NFIA: variants seen among roughly 807,000 people sequenced by gnomAD.
NFIA encodes the protein nuclear factor I A.
A neutral mutation model predicts 62.8 loss-of-function variants in NFIA; 8 were observed. The ratio of observed to expected loss-of-function variants is 0.13; its 90% CI spans 0.07 to 0.23. NFIA has a LOEUF of 0.23. NFIA is among the 10% of genes least tolerant of loss of function. The pLI, the probability that NFIA is intolerant of heterozygous loss-of-function variation, is 1.00. For synonymous variants in NFIA, 235 were observed against 238.1 expected, an observed-to-expected ratio of 0.99 and a Z score of 0.12; for missense variants, 410 against 642.1, an observed-to-expected ratio of 0.64 and a Z score of 3.91.
chr1:61,202,102 G>T (rs1241692036), intron 2 of NFIA, among the ~76,000 whole-genome samples: 1 of 152,178 alleles, frequency 6.6e-6, no homozygotes, highest in African/African-American at 2.4e-5. Flanking sequence ...ATTCCAGAAG[G>T]ATAGGTGCCA....
intron 9 of NFIA, among the ~76,000 whole-genome samples, chr1:61,414,524 T>G (rs1238094221): frequency 7.8e-6 from 1 of 127,848 alleles, no homozygotes; most frequent in African/African-American, 2.8e-5. Context: ...CTTCTTGGTT[T>G]TTTGGTTTTT....
intron 9 of NFIA, among the ~76,000 whole-genome samples, chr1:61,413,992 T>C (rs959293655): frequency 2.6e-5 from 4 of 151,104 alleles, no homozygotes; most frequent in Non-Finnish European, 4.4e-5. Flanking sequence ...TTTGTTTGTT[T>C]GTCTTTCTGC....
chr1:61,406,175 C>G (rs992557409), intron 8 of NFIA, among the ~76,000 whole-genome samples: 1 of 152,076 alleles, frequency 6.6e-6, no homozygotes, highest in Non-Finnish European at 1.5e-5. Flanking sequence ...ATTTAATAAT[C>G]ATGAGAAAGA....
intron 4 of NFIA, among the ~76,000 whole-genome samples, chr1:61,333,328 C>T (rs933549579): frequency 5.3e-5 from 8 of 152,112 alleles, no homozygotes; most frequent in African/African-American, 1.9e-4. Flanking sequence ...TAAAAAGAAA[C>T]ATTTTCATTT....
At chr1:61,161,089 A>G (rs1336480623) in intron 2 of NFIA, among the ~76,000 whole-genome samples, 2 of 152,004 alleles carry the variant, frequency 1.3e-5, no homozygotes, top group Non-Finnish European at 1.5e-5. Flanking sequence ...TAATTTTTGT[A>G]TTTTTAGTAG....
At chr1:61,225,992 A>C (rs1466539382) in intron 2 of NFIA, among the ~76,000 whole-genome samples, 1 of 152,238 alleles carries the variant, frequency 6.6e-6, no homozygotes, top group African/African-American at 2.4e-5. Context: ...ACAGTAATGC[A>C]TGTAATCTAA....
At chr1:61,376,552 G>A (rs1664158563) in intron 6 of NFIA, among the ~76,000 whole-genome samples, 1 of 152,082 alleles carries the variant, frequency 6.6e-6, no homozygotes. Context: ...TCCTTACTAA[G>A]GCCAAGAGAA....
intron 4 of NFIA, among the ~76,000 whole-genome samples, chr1:61,340,815 A>G (rs1210500268): frequency 1.3e-5 from 2 of 152,226 alleles, no homozygotes; most frequent in Non-Finnish European, 2.9e-5. Context: ...AGTAATTCCA[A>G]TAGAGTAAGA....
At position 61,347,504 on chromosome 1, in the gene NFIA, A is replaced by G. The variant is rs529257601; in HGVS notation, c.701-4946A>G. 7.2e-5 allele frequency among the ~76,000 whole-genome samples: 11 copies of G among 152,194 alleles called. No individual in the cohort carries two copies. In the East Asian group the frequency reaches 2.1e-3, roughly 29 times the overall value. ...GCTTCTTATCTCCAAACTTATGCAC[A>G]TACTTTGTCTATTGCCAAGAAAGCC... On this transcript the variant is annotated intron_variant, in intron 4 of 10. Coordinates refer to ENST00000403491, the MANE Select transcript of NFIA (RefSeq NM_001134673.4).
At chr1:61,363,602 C>CA (rs10624027) in intron 6 of NFIA, among the ~76,000 whole-genome samples, 14,909 of 141,714 alleles carry the variant, frequency 0.11, 947 homozygotes, top group East Asian at 0.21. Context: ...AAAACTCCGT[C>CA]AAAAAAAAAA....
At position 61,316,501 on chromosome 1, in the gene NFIA, G is replaced by A. The variant is rs532746858; in HGVS notation, c.626-16011G>A. On this transcript the variant is annotated intron_variant, in intron 3 of 10. Coordinates refer to ENST00000403491, the MANE Select transcript of NFIA (RefSeq NM_001134673.4). ...GCATTTTTGGTGCTCACAAGGAGGG[G>A]ATGTTGCTGGCATTCAGTGGTGCAG... 2.0e-5 allele frequency among the ~76,000 whole-genome samples: 3 copies of A among 152,222 alleles called. No homozygotes were observed. In the East Asian group the frequency reaches 5.8e-4, roughly 29 times the overall value.
intron 6 of NFIA, among the ~76,000 whole-genome samples, chr1:61,366,170 G>A (rs747546446): frequency 3.3e-5 from 5 of 152,236 alleles, no homozygotes; most frequent in East Asian, 1.9e-4. Context: ...ATTTGTCCCC[G>A]AAGTTAACGA....
At chr1:61,214,966 C>T (rs1229489198) in intron 2 of NFIA, among the ~76,000 whole-genome samples, 1 of 152,124 alleles carries the variant, frequency 6.6e-6, no homozygotes, top group Non-Finnish European at 1.5e-5. Flanking sequence ...TCAAGGAATA[C>T]ACTCTTCCCA....
At chr1:61,159,961 C>T (rs976372651) in intron 2 of NFIA, among the ~76,000 whole-genome samples, 10 of 152,102 alleles carry the variant, frequency 6.6e-5, no homozygotes, top group African/African-American at 1.9e-4. Context: ...GGATTACAGG[C>T]GTGAGCCACC....
At chr1:61,318,749 G>C (rs1660505883) in intron 3 of NFIA, among the ~76,000 whole-genome samples, 1 of 152,166 alleles carries the variant, frequency 6.6e-6, no homozygotes, top group African/African-American at 2.4e-5. Flanking sequence ...ACCCATGTCT[G>C]ATTTGGAAGA....
chr1:61,280,418 G>A (rs1171499156), intron 3 of NFIA, among the ~76,000 whole-genome samples: 1 of 151,742 alleles, frequency 6.6e-6, no homozygotes, highest in Non-Finnish European at 1.5e-5. Flanking sequence ...AAATAAAATG[G>A]GAATTCATTA....
At chr1:61,184,123 A>AACCCC (rs1491316408) in intron 2 of NFIA, among the ~76,000 whole-genome samples, 42 of 136,078 alleles carry the variant, frequency 3.1e-4, no homozygotes, top group Middle Eastern at 3.6e-3. Context: ...GGGAAAAAAA[A>AACCCC]CCAAAAAAAA....
intron 9 of NFIA, among the ~76,000 whole-genome samples, chr1:61,417,981 G>A (rs983089274): frequency 6.6e-6 from 1 of 152,088 alleles, no homozygotes; most frequent in African/African-American, 2.4e-5. Flanking sequence ...GTTCAGAGAG[G>A]TTAACTGGCT....
At chr1:61,317,695 A>C (rs995905422) in intron 3 of NFIA, among the ~76,000 whole-genome samples, 32 of 152,072 alleles carry the variant, frequency 2.1e-4, no homozygotes, top group Admixed American at 1.7e-3. Context: ...TTTTATAAGA[A>C]TACTTGCATT....
Sources: gnomAD v4.1 joint callset for allele counts (sites outside exome capture counted in the v4.1 genomes callset) on GRCh38, gnomAD v4.1.1 for gene constraint, MANE v1.5 for transcripts, NCBI Gene and HGNC (gene_info 2026-07-23, HGNC 2026-07-21) for gene names.